Variants in PNPLA7 observed in about 807,000 individuals in gnomAD.
The protein encoded by PNPLA7 is patatin like domain 7, lysophospholipase, also known as patatin-like phospholipase domain-containing protein 7.
In PNPLA7, 153 loss-of-function variants were observed where a neutral mutation model predicts 161.7. The observed-to-expected ratio is 0.95, with a 90% CI of 0.83 to 1.08. The LOEUF is 1.08. PNPLA7 is among the 50% of genes least tolerant of loss of function. The pLI is 0.00. For synonymous variants in PNPLA7, 809 were observed against 782.1 expected, an observed-to-expected ratio of 1.03 and a Z score of -0.57; for missense variants, 1,739 against 1,856.6, an observed-to-expected ratio of 0.94 and a Z score of 1.16.
intron 16 of PNPLA7, among the ~76,000 whole-genome samples, chr9:137,498,475 C>A (rs1463619010): frequency 7.2e-5 from 11 of 152,262 alleles, no homozygotes; most frequent in Admixed American, 7.2e-4. Context: ...GCCCAGAGAG[C>A]CCCCTCCTGG....
rs763724637 is a variant in PNPLA7 at position 137,461,931 on chromosome 9, C to G, written c.3756G>C (p.Ala1252=). The change falls in exon 32 of 35, where the codon GCG becomes GCC. Residue 1252 remains alanine (A), a splice_region_variant and synonymous_variant. Transcript: ENST00000406427. ...GCGTGGTCCGGACGCCCGTACTCAC[C>G]GCACTCGCGGGCTTCTTGCTCGGCC... is the stretch of plus-strand genomic sequence containing the variant. ...QQGPSKKPAS[A]VLTCPNASFT... is the part of the protein sequence containing the mutation. The G allele has an allele frequency of 7.7e-6, 12 of 1,565,496 alleles. No homozygotes were observed. Among genetic ancestry groups the G allele is most frequent in the Admixed American group, 3.7e-5 (2 of 54,472 alleles).
Position 137,474,225 on chromosome 9 carries a change from C to T in PNPLA7, c.2882+3809G>A, listed in dbSNP as rs974210235. ...CTGCACTCCAGCCTGGGCGACAAAG[C>T]GAGACCCCGTCTCAAAACAAACAAA... is the stretch of plus-strand genomic sequence containing the variant. On this transcript the variant is annotated intron_variant, in intron 25 of 34. Transcript: ENST00000406427. Among the ~76,000 whole-genome samples the T allele has an allele frequency of 9.2e-5, 14 of 152,126 alleles. No homozygotes were observed. The South Asian group carries it at 1.9e-3, about 20-fold the overall frequency.
intron 20 of PNPLA7, among the ~76,000 whole-genome samples, chr9:137,489,578 A>G (rs1452037276): frequency 6.6e-6 from 1 of 152,256 alleles, no homozygotes. Flanking sequence ...TTATTTCTCC[A>G]GGACGATAAA....
chr9:137,521,747 A>G, intron 9 of PNPLA7, 31 bp from the exon 10 acceptor site: 1 of 1,597,960 alleles, frequency 6.3e-7, no homozygotes, highest in Non-Finnish European at 8.5e-7. Context: ...CGCGGTGACC[A>G]CCGGCCTGGG....
In PNPLA7 at chr9:137,460,098, G is replaced by A. The variant is rs1246719902; in HGVS notation, c.*295C>T. 2.4e-5 allele frequency: 8 copies of A among 329,946 alleles called. No homozygotes were observed. The highest frequency in any genetic ancestry group is 3.5e-5 in the Non-Finnish European group (6 of 171,138). 20.4% of individuals were successfully genotyped at this position (329,946 alleles called of 1,614,324 possible). On this transcript the variant is annotated 3_prime_UTR_variant, in exon 35 of 35. Coordinates refer to ENST00000406427, the MANE Select transcript of PNPLA7 (RefSeq NM_001098537.3). ...GGCAGCAGGTGGTTCACAGGGCTTC[G>A]GGGGGCCTCACAGGGCTTCGGGGGG...
intron 1 of PNPLA7, 46 bp downstream of exon 1, chr9:137,550,122 C>T: frequency 6.2e-7 from 1 of 1,610,372 alleles, no homozygotes; most frequent in Non-Finnish European, 8.5e-7. Context: ...TCCAGAAATG[C>T]CCCCCAACTG....
intron 17 of PNPLA7, among the ~76,000 whole-genome samples, chr9:137,497,627 A>G (rs1833135388): frequency 6.6e-6 from 1 of 152,168 alleles, no homozygotes; most frequent in Non-Finnish European, 1.5e-5. Context: ...TCCCAGGTTC[A>G]TGTGATTCTC....
intron 14 of PNPLA7, among the ~76,000 whole-genome samples, chr9:137,505,089 G>A (rs1833839864): frequency 6.6e-6 from 1 of 150,760 alleles, no homozygotes; most frequent in Non-Finnish European, 1.5e-5. Context: ...TTGGGAGGCT[G>A]AGGCAGGAGA....
intron 8 of PNPLA7, among the ~76,000 whole-genome samples, chr9:137,529,681 G>A (rs1413590189): frequency 1.4e-5 from 2 of 142,470 alleles, no homozygotes; most frequent in African/African-American, 2.6e-5. Flanking sequence ...TTTTTGAGAC[G>A]GAGTTTCACT....
intron 23 of PNPLA7, chr9:137,479,799 C>A: frequency 5.1e-6 from 5 of 985,446 alleles, no homozygotes; most frequent in Non-Finnish European, 6.0e-6. Flanking sequence ...GATCTGCTGC[C>A]ATCTGGGAAC....
intron 16 of PNPLA7, 41 bp from the exon 17 acceptor site, chr9:137,498,286 A>C: frequency 1.2e-6 from 2 of 1,600,254 alleles, no homozygotes; most frequent in Non-Finnish European, 1.7e-6. Context: ...CATCCCTCCA[A>C]CCCTACCCTT....
chr9:137,518,648 C>T (rs1309642588), intron 11 of PNPLA7, among the ~76,000 whole-genome samples: 1 of 79,868 alleles, frequency 1.3e-5, no homozygotes, highest in African/African-American at 5.3e-5. Flanking sequence ...CACTCCATCC[C>T]CCACTCACTC....
chr9:137,528,308 G>T (rs994274121), intron 8 of PNPLA7, among the ~76,000 whole-genome samples: 1 of 151,892 alleles, frequency 6.6e-6, no homozygotes, highest in Non-Finnish European at 1.5e-5. Flanking sequence ...TCTTTTCCTA[G>T]CTTCTTAAGA....
In PNPLA7 at chr9:137,460,659, G is replaced by A. The variant is rs1421451637; in HGVS notation, c.3920C>T (p.Thr1307Ile). Residue 1307 changes from threonine (T) to isoleucine (I), a missense_variant, in exon 34 of 35, where the codon ACC becomes ATC. This residue lies in a region of PNPLA7 where 703 missense variants were observed against 694.6 expected (regional missense o/e 1.01). Transcript: ENST00000406427. ...CAAGTCTGAGCCCTGCTGGGCTGAG[G>A]TGCTCTGGAAGTCTGCGTATGCATC... ...PRDAYADFQS[T>I]SAQQGSDLED... The A allele has an allele frequency of 6.2e-7, 1 of 1,612,774 alleles. No individual in the cohort carries two copies. The highest frequency in any genetic ancestry group is 1.1e-5 in the South Asian group (1 of 91,078).
chr9:137,460,786 G>C, intron 33 of PNPLA7, 49 bp from the exon 34 acceptor site: 1 of 1,534,544 alleles, frequency 6.5e-7, no homozygotes. Context: ...GGAAGGGACC[G>C]TACCCAGCAT....
intron 7 of PNPLA7, among the ~76,000 whole-genome samples, chr9:137,542,121 C>A (rs1836237627): frequency 6.6e-6 from 1 of 152,186 alleles, no homozygotes; most frequent in Non-Finnish European, 1.5e-5. Context: ...CAAATCAACA[C>A]AGTGACTTAC....
At chr9:137,497,346 C>T (rs953887485) in intron 17 of PNPLA7, 36 bp from the exon 18 acceptor site, 11 of 1,482,046 alleles carry the variant, frequency 7.4e-6, no homozygotes, top group Admixed American at 6.5e-5. Context: ...GCCCTGGGCC[C>T]CCAGCCTCAG....
chr9:137,470,308 G>A (rs1564285256), intron 25 of PNPLA7, among the ~76,000 whole-genome samples: 1 of 152,186 alleles, frequency 6.6e-6, no homozygotes, highest in South Asian at 2.1e-4. Flanking sequence ...GAGGCACCGC[G>A]CCTGGCCTCT....
rs758786549 is a variant in PNPLA7 at position 137,519,969 on chromosome 9, G to C, written c.1032C>G (p.Gly344=). ...AGKAKKQVFY[G]EEERLKKPPR... is the part of the protein sequence containing the mutation. Reference sequence around the variant, plus strand: ...GTGGCTTTTTAAGCCGCTCTTCTTCGCCATAGAACACCTGCTTCTTGGCCT... The same window carrying C: ...GTGGCTTTTTAAGCCGCTCTTCTTCCCCATAGAACACCTGCTTCTTGGCCT... Residue 344 remains glycine, a synonymous_variant, in exon 11 of 35, where the codon GGC becomes GGG. Coordinates refer to ENST00000406427, the MANE Select transcript of PNPLA7 (RefSeq NM_001098537.3). 6.2e-7 allele frequency: 1 copy of C among 1,612,766 alleles called. No individual in the cohort carries two copies. The highest frequency in any genetic ancestry group is 1.3e-5 in the African/African-American group (1 of 74,998).
Sources: allele counts gnomAD v4.1 joint callset (sites outside exome capture counted in the v4.1 genomes callset), GRCh38; gene constraint gnomAD v4.1.1; regional missense constraint gnomAD v4.1.1; transcripts MANE v1.5; gene names NCBI Gene and HGNC (gene_info 2026-07-23, HGNC 2026-07-21).